The following NUP42 variants were observed in gnomAD, a reference collection of about 807,000 sequenced individuals.
The protein encoded by NUP42 is nucleoporin NUP42.
A neutral mutation model predicts 35.9 loss-of-function variants in NUP42; 47 were observed. The ratio of observed to expected loss-of-function variants is 1.31; its 90% CI spans 1.04 to 1.67. NUP42 has a LOEUF of 1.67. Ranked by LOEUF, NUP42 falls within the 40% of genes most tolerant of loss-of-function variation. The pLI, the probability that NUP42 is intolerant of heterozygous loss-of-function variation, is 0.00. For synonymous variants in NUP42, 173 were observed against 173.3 expected, an observed-to-expected ratio of 1.00 and a Z score of 0.01; for missense variants, 514 against 492.2, an observed-to-expected ratio of 1.04 and a Z score of -0.42.
At chr7:23,189,321 C>A (rs1022943257) in intron 3 of NUP42, among the ~76,000 whole-genome samples, 1 of 152,218 alleles carries the variant, frequency 6.6e-6, no homozygotes, top group African/African-American at 2.4e-5. Context: ...TGGCAACATT[C>A]ACAAATGTGA....
chr7:23,196,440 G>A (rs1429516084), intron 4 of NUP42: 11 of 429,032 alleles, frequency 2.6e-5, no homozygotes, highest in Admixed American at 4.1e-5. Flanking sequence ...AACTAACTAC[G>A]TGCTGCCAGG....
At position 23,185,267 on chromosome 7, in the gene NUP42, C is replaced by A. The variant is rs1314619801; in HGVS notation, c.319C>A (p.Pro107Thr). Residue 107 changes from proline to threonine, a missense_variant, in exon 2 of 7, where the codon CCT (proline) becomes ACT (threonine). Coordinates refer to ENST00000258742, the MANE Select transcript of NUP42 (RefSeq NM_007342.3). ...LSENPFASLSPDEQKDEKKLL... is the reference protein window; with the variant it reads ...LSENPFASLSTDEQKDEKKLL... ...TGAGAACCCATTTGCTTCACTTAGT[C>A]CTGATGAGCAGAAAGATGAAAAGAA... The A allele has an allele frequency of 1.9e-6, 3 of 1,612,836 alleles. No homozygotes were observed. Among genetic ancestry groups the A allele is most frequent in the Non-Finnish European group, 2.5e-6 (3 of 1,179,646 alleles).
At chr7:23,200,018 T>G in intron 6 of NUP42, 150 bp from the exon 7 acceptor site, 1 of 626,674 alleles carries the variant, frequency 1.6e-6, no homozygotes, top group African/African-American at 1.8e-5. Context: ...CCTCTCATTT[T>G]TACTTTCCTC....
intron 3 of NUP42, chr7:23,188,249 A>C: frequency 8.0e-7 from 1 of 1,243,594 alleles, no homozygotes; most frequent in South Asian, 4.0e-5. Context: ...TTATTTATTC[A>C]CTTGTCCATT....
chr7:23,189,755 T>C (rs547712112), intron 3 of NUP42, among the ~76,000 whole-genome samples: 84 of 151,844 alleles, frequency 5.5e-4, no homozygotes, highest in Non-Finnish European at 6.5e-4. Flanking sequence ...TACTAAAAAA[T>C]ACAAAAAATT....
At chr7:23,196,296 C>A (rs1298505784) in intron 4 of NUP42, 2 of 200,740 alleles carry the variant, frequency 1.0e-5, no homozygotes, top group Non-Finnish European at 2.0e-5. Flanking sequence ...TATCAAATAT[C>A]AAAAAAAATT....
At chr7:23,187,670 G>A (rs1021764219) in intron 3 of NUP42, among the ~76,000 whole-genome samples, 45 of 141,346 alleles carry the variant, frequency 3.2e-4, no homozygotes, top group African/African-American at 1.1e-3. Flanking sequence ...GCAGTGACGC[G>A]ATCTCGGCTC....
At chr7:23,195,956 G>C in intron 4 of NUP42, 41 bp downstream of exon 4, 3 of 1,243,702 alleles carry the variant, frequency 2.4e-6, no homozygotes, top group Non-Finnish European at 3.5e-6. Context: ...TAACAGATGA[G>C]CTCTTAATTA....
Position 23,182,068 on chromosome 7 carries a change from G to A in NUP42, c.-18G>A, listed in dbSNP as rs752720691. ...ACGGTGCAGACTGAAGACGCCCTCC[G>A]TCAGCGACGCCGTCGCAATGGCCAT... On this transcript the variant is annotated 5_prime_UTR_variant, in exon 1 of 7. Coordinates refer to ENST00000258742, the MANE Select transcript of NUP42 (RefSeq NM_007342.3). 1.1e-5 allele frequency: 17 copies of A among 1,612,986 alleles called. No homozygotes were observed. Among genetic ancestry groups the A allele is most frequent in the South Asian group, 2.2e-5 (2 of 91,094 alleles).
At chr7:23,192,422 C>T (rs533678499) in intron 3 of NUP42, among the ~76,000 whole-genome samples, 1 of 151,768 alleles carries the variant, frequency 6.6e-6, no homozygotes, top group Admixed American at 6.6e-5. Context: ...TGGTGCATGC[C>T]TGTAATCCCA....
intron 5 of NUP42, among the ~76,000 whole-genome samples, chr7:23,197,819 G>GTC (rs1786067808): frequency 6.6e-6 from 1 of 151,890 alleles, no homozygotes; most frequent in African/African-American, 2.4e-5. Flanking sequence ...ATATTACACT[G>GTC]AGGGAGAGAA....
chr7:23,190,641 C>T (rs1270758723), intron 3 of NUP42, among the ~76,000 whole-genome samples: 4 of 152,090 alleles, frequency 2.6e-5, no homozygotes, highest in Non-Finnish European at 5.9e-5. Flanking sequence ...TTAACTTTTT[C>T]CATGCAGCTA....
chr7:23,182,073 C>G lies in NUP42; in HGVS notation c.-13C>G, dbSNP rs764501040. On this transcript the variant is annotated 5_prime_UTR_variant, in exon 1 of 7. Coordinates refer to ENST00000258742, the MANE Select transcript of NUP42 (RefSeq NM_007342.3). The stretch of plus-strand genomic sequence containing the variant: ...GCAGACTGAAGACGCCCTCCGTCAG[C>G]GACGCCGTCGCAATGGCCATTTGTC... 1.2e-6 allele frequency: 2 copies of G among 1,613,334 alleles called. No homozygotes were observed. The highest frequency in any genetic ancestry group is 1.7e-6 in the Non-Finnish European group (2 of 1,179,962).
Position 23,187,042 on chromosome 7 carries a change from T to C in NUP42, c.351-10T>C. The C allele has an allele frequency of 1.3e-6, 2 of 1,555,226 alleles. No individual in the cohort carries two copies. The highest frequency in any genetic ancestry group is 1.7e-4 in the Middle Eastern group (1 of 5,786). ...ATCCTTTACTCTTTTTTTTTTTTTC[T>C]TTTTTGCAGGGAAGGAATTGTAAAA... is the stretch of plus-strand genomic sequence containing the variant. On this transcript the variant is annotated splice_polypyrimidine_tract_variant and intron_variant, in intron 2 of 6. Coordinates refer to ENST00000258742, the MANE Select transcript of NUP42 (RefSeq NM_007342.3).
At chr7:23,184,975 C>T (rs1189814630) in intron 1 of NUP42, 95 bp from the exon 2 acceptor site, 2 of 1,025,842 alleles carry the variant, frequency 1.9e-6, no homozygotes, top group African/African-American at 1.6e-5. Flanking sequence ...CACTGTACTC[C>T]ACCCTGGGCA....
chr7:23,196,324 T>A (rs1486467525), intron 4 of NUP42: 1 of 212,850 alleles, frequency 4.7e-6, no homozygotes, highest in African/African-American at 2.3e-5. Context: ...TTGACTAGAA[T>A]AAGTTGAGTA....
At chr7:23,195,055 T>G (rs1314245946) in intron 3 of NUP42, 1 of 152,298 alleles carries the variant, frequency 6.6e-6, no homozygotes, top group Admixed American at 6.5e-5. Flanking sequence ...ATGAACACCC[T>G]TATACATAGC....
At chr7:23,192,228 T>C (rs1242029375) in intron 3 of NUP42, among the ~76,000 whole-genome samples, 1 of 152,072 alleles carries the variant, frequency 6.6e-6, no homozygotes, top group East Asian at 1.9e-4. Flanking sequence ...AATAACGTAC[T>C]GTAAGAGAAA....
chr7:23,197,396 C>T (rs1042374583), intron 5 of NUP42: 5 of 287,558 alleles, frequency 1.7e-5, no homozygotes, highest in African/African-American at 4.4e-5. Flanking sequence ...TGTCTCCCTA[C>T]ACTTAGTGAA....
Sources: gnomAD v4.1 joint callset for allele counts (sites outside exome capture counted in the v4.1 genomes callset) on GRCh38, gnomAD v4.1.1 for gene constraint, MANE v1.5 for transcripts, NCBI Gene and HGNC (gene_info 2026-07-23, HGNC 2026-07-21) for gene names.